Variants in TRHDE observed in about 807,000 individuals in gnomAD.
TRHDE encodes the protein thyrotropin releasing hormone degrading enzyme, also known as thyrotropin-releasing hormone-degrading ectoenzyme.
Under a neutral mutation model 125.7 loss-of-function variants are expected in TRHDE, and 72 were observed. That is an observed-to-expected ratio of 0.57 (90% CI 0.47 to 0.70). TRHDE has a LOEUF of 0.70. Among genes scored for constraint, TRHDE ranks in the 30% least tolerant of loss-of-function variants. The pLI is 0.00. For synonymous variants in TRHDE, 509 were observed against 509.1 expected (o/e 1.00, Z 0.00); for missense variants, 1,110 against 1,327.1 (o/e 0.84, Z 2.54).
chr12:72,320,136 C>T (rs1449137006), intron 2 of TRHDE, among the ~76,000 whole-genome samples: 2 of 151,936 alleles, frequency 1.3e-5, no homozygotes. Context: ...TAAATTGCTT[C>T]AGTTCTTGTT....
chr12:72,512,248 A>G (rs1484094729), intron 6 of TRHDE, among the ~76,000 whole-genome samples: 1 of 151,572 alleles, frequency 6.6e-6, no homozygotes, highest in East Asian at 1.9e-4. Context: ...CTACAGCTAC[A>G]GTTGTTCTTG....
chr12:72,258,433 A>G (rs1878867885), intron 2 of TRHDE, among the ~76,000 whole-genome samples: 1 of 152,124 alleles, frequency 6.6e-6, no homozygotes, highest in Admixed American at 6.6e-5. Context: ...CATTTTATTG[A>G]TGCTGTCATT....
intron 15 of TRHDE, 88 bp from the exon 16 acceptor site, chr12:72,652,234 A>T: frequency 1.1e-6 from 1 of 909,642 alleles, no homozygotes; most frequent in Non-Finnish European, 1.5e-6. Context: ...TAAAAAACTG[A>T]CTGTAGTAAA....
In TRHDE at chr12:72,612,538, G is replaced by A. The variant is rs559489399; in HGVS notation, c.2322-6353G>A. ...TGAATTCTAGCCCTGCTACTCATTA[G>A]CCATGTGAGCTTGGCAAGCGGCTTA... On this transcript the variant is annotated intron_variant, in intron 12 of 18. Coordinates refer to ENST00000261180, the MANE Select transcript of TRHDE (RefSeq NM_013381.3). 5.5e-4 allele frequency among the ~76,000 whole-genome samples: 83 copies of A among 152,146 alleles called. 1 individual carries two copies. Among genetic ancestry groups the A allele is most frequent in the Non-Finnish European group, 1.0e-3 (68 of 68,024 alleles).
chr12:72,653,684 T>C (rs1874597511), intron 17 of TRHDE, among the ~76,000 whole-genome samples: 1 of 152,128 alleles, frequency 6.6e-6, no homozygotes. Context: ...TGTTTCATGG[T>C]GAGAATTCTT....
At chr12:72,432,078 G>C (rs528106483) in intron 3 of TRHDE, 88 of 153,338 alleles carry the variant, frequency 5.7e-4, no homozygotes, top group South Asian at 2.1e-3. Context: ...CCATGGTATA[G>C]AGACTTCCTT....
At chr12:72,132,708 C>G (rs754475168) in intron 2 of TRHDE, among the ~76,000 whole-genome samples, 7 of 152,182 alleles carry the variant, frequency 4.6e-5, no homozygotes, top group Non-Finnish European at 7.3e-5. Flanking sequence ...CACATGCCAG[C>G]TCTGTGCTGG....
intron 2 of TRHDE, among the ~76,000 whole-genome samples, chr12:72,318,569 C>T (rs1868920797): frequency 6.6e-6 from 1 of 152,058 alleles, no homozygotes; most frequent in South Asian, 2.1e-4. Flanking sequence ...GAAGAGAACA[C>T]CACGGCCCAG....
At chr12:72,105,256 G>T (rs1049828987) in intron 1 of TRHDE, among the ~76,000 whole-genome samples, 2 of 152,154 alleles carry the variant, frequency 1.3e-5, no homozygotes, top group East Asian at 3.8e-4. Context: ...AAGGTGTGGG[G>T]CATGGCTCAA....
intron 2 of TRHDE, among the ~76,000 whole-genome samples, chr12:72,141,784 C>G (rs1876116830): frequency 6.6e-6 from 1 of 152,066 alleles, no homozygotes; most frequent in Non-Finnish European, 1.5e-5. Context: ...GTAAGATAAA[C>G]CTTCAAATTA....
intron 2 of TRHDE, among the ~76,000 whole-genome samples, chr12:72,261,546 GCTC>G (rs1377456104): frequency 2.0e-5 from 3 of 152,126 alleles, no homozygotes; most frequent in Non-Finnish European, 4.4e-5. Context: ...ATGGAATTTG[GCTC>G]CTTTCCCTTT....
intron 2 of TRHDE, among the ~76,000 whole-genome samples, chr12:72,112,584 T>C (rs1313442596): frequency 6.6e-6 from 1 of 152,192 alleles, no homozygotes. Flanking sequence ...CTCATATTTA[T>C]ATGATGGTAA....
chr12:72,527,878 C>T (rs1868366327), intron 6 of TRHDE, among the ~76,000 whole-genome samples: 1 of 152,042 alleles, frequency 6.6e-6, no homozygotes, highest in South Asian at 2.1e-4. Context: ...TTCAAATATT[C>T]AAGTATTTGG....
intron 3 of TRHDE, among the ~76,000 whole-genome samples, chr12:72,387,443 G>A (rs958451140): frequency 8.6e-5 from 13 of 151,574 alleles, no homozygotes; most frequent in African/African-American, 2.2e-4. Context: ...GCTAGTATTC[G>A]CATTCCAACC....
intron 3 of TRHDE, among the ~76,000 whole-genome samples, chr12:72,429,338 C>CATAATA (rs57170664): frequency 0.16 from 22,406 of 143,242 alleles, 2,184 homozygotes; most frequent in African/African-American, 0.26. Flanking sequence ...GAATTTAAAG[C>CATAATA]ATAATAATAA....
intron 6 of TRHDE, among the ~76,000 whole-genome samples, chr12:72,540,427 C>T (rs1245969067): frequency 6.6e-6 from 1 of 151,660 alleles, no homozygotes; most frequent in South Asian, 2.1e-4. Context: ...AGAAAGCATT[C>T]TTGTGTCATT....
chr12:72,638,648 G>T (rs544528981), intron 15 of TRHDE, among the ~76,000 whole-genome samples: 3 of 151,988 alleles, frequency 2.0e-5, no homozygotes, highest in African/African-American at 4.8e-5. Flanking sequence ...GGTACCGGTC[G>T]TTCCATTCCA....
intron 15 of TRHDE, among the ~76,000 whole-genome samples, chr12:72,642,020 T>C (rs1874085637): frequency 6.6e-6 from 1 of 152,166 alleles, no homozygotes; most frequent in Admixed American, 6.5e-5. Flanking sequence ...CAGATTGTTT[T>C]TTAGCCCTGT....
chr12:72,139,433 T>C (rs544486267), intron 2 of TRHDE, among the ~76,000 whole-genome samples: 1 of 152,358 alleles, frequency 6.6e-6, no homozygotes, highest in African/African-American at 2.4e-5. Context: ...TCAAAGTATA[T>C]GTTTTATGTA....
Sources: gnomAD v4.1 joint callset for allele counts (sites outside exome capture counted in the v4.1 genomes callset) on GRCh38, gnomAD v4.1.1 for gene constraint, MANE v1.5 for transcripts, NCBI Gene and HGNC (gene_info 2026-07-23, HGNC 2026-07-21) for gene names.